The following ALCAM variants were observed in gnomAD, a reference collection of about 807,000 sequenced individuals.
ALCAM encodes the protein activated leukocyte cell adhesion molecule, also known as CD166 antigen.
A neutral mutation model predicts 70.9 loss-of-function variants in ALCAM; 30 were observed. That is an observed-to-expected ratio of 0.42 (90% CI 0.32 to 0.57). ALCAM has a LOEUF of 0.57. Ranked by LOEUF, ALCAM falls within the 20% of genes least tolerant of loss-of-function variation. ALCAM has a pLI of 0.11. For synonymous variants in ALCAM, 249 were observed against 242.5 expected, an observed-to-expected ratio of 1.03 and a Z score of -0.25; for missense variants, 591 against 695.1, an observed-to-expected ratio of 0.85 and a Z score of 1.68.
intron 1 of ALCAM, among the ~76,000 whole-genome samples, chr3:105,519,417 G>T (rs1939471339): frequency 1.3e-5 from 2 of 151,748 alleles, no homozygotes. Context: ...TAATCACTTT[G>T]TAAATAGCAC....
chr3:105,518,635 C>A (rs141411411), intron 1 of ALCAM, among the ~76,000 whole-genome samples: 1 of 151,836 alleles, frequency 6.6e-6, no homozygotes, highest in East Asian at 1.9e-4. Flanking sequence ...ATTATAATTG[C>A]AGTATAGAGA....
At chr3:105,443,816 C>T (rs1937233942) in intron 1 of ALCAM, among the ~76,000 whole-genome samples, 1 of 152,162 alleles carries the variant, frequency 6.6e-6, no homozygotes, top group Non-Finnish European at 1.5e-5. Context: ...CTTACTTTTA[C>T]ATTATTAGAG....
intron 1 of ALCAM, among the ~76,000 whole-genome samples, chr3:105,484,803 G>T (rs1280937591): frequency 1.3e-5 from 2 of 152,050 alleles, no homozygotes; most frequent in African/African-American, 2.4e-5. Context: ...CAGCTGTCAT[G>T]GACATGTGCC....
At chr3:105,471,553 G>A (rs576456674) in intron 1 of ALCAM, among the ~76,000 whole-genome samples, 4 of 151,340 alleles carry the variant, frequency 2.6e-5, no homozygotes, top group African/African-American at 9.7e-5. Context: ...CACAAAATTG[G>A]TGCTGGAGCT....
At chr3:105,406,983 C>T (rs1337016790) in intron 1 of ALCAM, among the ~76,000 whole-genome samples, 1 of 152,024 alleles carries the variant, frequency 6.6e-6, no homozygotes, top group African/African-American at 2.4e-5. Flanking sequence ...TGGAAACATA[C>T]AACCCTCCTA....
intron 1 of ALCAM, among the ~76,000 whole-genome samples, chr3:105,394,187 C>A (rs1473469730): frequency 6.6e-6 from 1 of 151,882 alleles, no homozygotes; most frequent in Non-Finnish European, 1.5e-5. Context: ...ACAATTGAAT[C>A]CACTAATACA....
intron 1 of ALCAM, among the ~76,000 whole-genome samples, chr3:105,427,266 C>T (rs1267426966): frequency 6.6e-6 from 1 of 151,942 alleles, no homozygotes; most frequent in Non-Finnish European, 1.5e-5. Flanking sequence ...AAAGGACTCT[C>T]ATTGCCTGTG....
chr3:105,469,460 T>A (rs1937855478), intron 1 of ALCAM, among the ~76,000 whole-genome samples: 1 of 151,106 alleles, frequency 6.6e-6, no homozygotes, highest in South Asian at 2.1e-4. Flanking sequence ...CCATGAACAT[T>A]ATTTATATAA....
chr3:105,522,100 A>G (rs1939560104), intron 2 of ALCAM, among the ~76,000 whole-genome samples: 1 of 152,218 alleles, frequency 6.6e-6, no homozygotes, highest in Non-Finnish European at 1.5e-5. Context: ...TCACCCAGGG[A>G]GCAGCACAGT....
At chr3:105,432,606 C>G (rs1936961905) in intron 1 of ALCAM, among the ~76,000 whole-genome samples, 1 of 151,912 alleles carries the variant, frequency 6.6e-6, no homozygotes, top group African/African-American at 2.4e-5. Flanking sequence ...AGTAATCTGC[C>G]TGCCTCATAT....
In ALCAM at chr3:105,430,244, ATAT is replaced by A. The variant is rs1258694482; in HGVS notation, c.73+62770_73+62772del. Among the ~76,000 whole-genome samples, 8 of 151,990 alleles carry A rather than the reference ATAT, an allele frequency of 5.3e-5. No individual in the cohort carries two copies. In the South Asian group the frequency reaches 1.0e-3, roughly 20 times the overall value. On this transcript the variant is annotated intron_variant, in intron 1 of 15. Coordinates refer to ENST00000306107, the MANE Select transcript of ALCAM (RefSeq NM_001627.4). ...TTATCACAATTGAGATAATATTGAT[ATAT>A]TATTATCAACTAAAATTCATATTTT...
At chr3:105,526,710 TTTTTG>T (rs997692349) in intron 3 of ALCAM, among the ~76,000 whole-genome samples, 16 of 152,168 alleles carry the variant, frequency 1.1e-4, no homozygotes, top group African/African-American at 3.9e-4. Context: ...TTGGTTTGTT[TTTTTG>T]TTTTGTTTTG....
intron 1 of ALCAM, among the ~76,000 whole-genome samples, chr3:105,389,740 C>G (rs754841704): frequency 2.6e-5 from 4 of 151,146 alleles, no homozygotes; most frequent in South Asian, 2.1e-4. Flanking sequence ...GTCCCTCCCC[C>G]CTACCCCCTC....
intron 1 of ALCAM, among the ~76,000 whole-genome samples, chr3:105,423,841 A>G (rs1463541011): frequency 1.3e-5 from 2 of 151,810 alleles, no homozygotes; most frequent in East Asian, 3.9e-4. Context: ...ACAGCTAGAG[A>G]AAAGAGCCTA....
intron 1 of ALCAM, among the ~76,000 whole-genome samples, chr3:105,435,774 G>T (rs755930385): frequency 2.0e-5 from 3 of 152,084 alleles, no homozygotes; most frequent in Non-Finnish European, 4.4e-5. Flanking sequence ...GGAAGAAAAA[G>T]AGGTTTTTTT....
chr3:105,420,520 A>G lies in ALCAM; in HGVS notation c.73+53039A>G, dbSNP rs537662821. The stretch of plus-strand genomic sequence containing the variant: ...TGAATGAATTGCTTTGCTAGATGAG[A>G]TTATTTGGAATTATATTACTGAATT... On this transcript the variant is annotated intron_variant, in intron 1 of 15. Transcript: ENST00000306107. Among the ~76,000 whole-genome samples the G allele has an allele frequency of 1.7e-4, 26 of 151,792 alleles. No individual in the cohort carries two copies. In the East Asian group the frequency reaches 5.1e-3, roughly 30 times the overall value.
intron 1 of ALCAM, among the ~76,000 whole-genome samples, chr3:105,409,505 A>C (rs1936333055): frequency 6.6e-6 from 1 of 152,128 alleles, no homozygotes; most frequent in Non-Finnish European, 1.5e-5. Context: ...GAGCTAAGCT[A>C]TAAGGGTGCA....
At chr3:105,392,762 A>C (rs955985771) in intron 1 of ALCAM, among the ~76,000 whole-genome samples, 2 of 151,882 alleles carry the variant, frequency 1.3e-5, no homozygotes, top group African/African-American at 4.8e-5. Flanking sequence ...TGTCCCAGAG[A>C]TTCTGGTACA....
chr3:105,475,000 T>G (rs1251008843), intron 1 of ALCAM, among the ~76,000 whole-genome samples: 1 of 151,880 alleles, frequency 6.6e-6, no homozygotes, highest in African/African-American at 2.4e-5. Context: ...AAAAATTTAA[T>G]TATCTAACAA....
Sources: allele counts gnomAD v4.1 joint callset (sites outside exome capture counted in the v4.1 genomes callset), GRCh38; gene constraint gnomAD v4.1.1; transcripts MANE v1.5; gene names NCBI Gene and HGNC (gene_info 2026-07-23, HGNC 2026-07-21).